Variants in RNF38 observed in about 807,000 individuals in gnomAD.
RNF38 encodes ring finger protein 38.
RNF38 carries 15 observed loss-of-function variants against 67.2 expected under a neutral mutation model. The observed-to-expected ratio is 0.22, with a 90% CI of 0.15 to 0.34. The LOEUF (loss-of-function observed/expected upper bound fraction) is 0.34, where lower values mean the gene tolerates loss of function less well. RNF38 is among the 10% of genes least tolerant of loss of function. The pLI is 1.00. For synonymous variants in RNF38, 220 were observed against 218.8 expected, an observed-to-expected ratio of 1.01 and a Z score of -0.05; for missense variants, 524 against 639.9, an observed-to-expected ratio of 0.82 and a Z score of 1.95.
intron 3 of RNF38, among the ~76,000 whole-genome samples, chr9:36,372,324 A>G (rs1835447766): frequency 6.6e-6 from 1 of 152,104 alleles, no homozygotes; most frequent in African/African-American, 2.4e-5. Context: ...TCCCTCTTAC[A>G]TCTCACATGT....
At chr9:36,487,596 G>C (rs1840451651), upstream of RNF38, 1 of 980,344 alleles carries the variant, frequency 1.0e-6, no homozygotes, top group South Asian at 4.5e-5. Context: ...GCTGCGACTC[G>C]ACTCCGGCGC....
intron 1 of RNF38, among the ~76,000 whole-genome samples, chr9:36,483,104 C>T (rs757715032): frequency 1.3e-5 from 2 of 152,094 alleles, no homozygotes; most frequent in Non-Finnish European, 2.9e-5. Context: ...AGAAGTGTAC[C>T]GGCCAGGCAC....
chr9:36,460,770 C>T (rs1839709046), intron 1 of RNF38, among the ~76,000 whole-genome samples: 2 of 151,398 alleles, frequency 1.3e-5, no homozygotes, highest in African/African-American at 4.9e-5. Flanking sequence ...GCCTGTAATC[C>T]CAGCTACTCA....
intron 1 of RNF38, among the ~76,000 whole-genome samples, chr9:36,426,148 A>G (rs984655834): frequency 2.0e-5 from 3 of 152,244 alleles, no homozygotes; most frequent in African/African-American, 7.2e-5. Flanking sequence ...CTCTTTCAGA[A>G]TCGGATTTGT....
intron 1 of RNF38, among the ~76,000 whole-genome samples, chr9:36,447,342 T>C (rs72731472): frequency 1.3e-5 from 2 of 152,276 alleles, no homozygotes; most frequent in Non-Finnish European, 2.9e-5. Context: ...AGCCATGACT[T>C]ACATGAATTG....
intron 6 of RNF38, among the ~76,000 whole-genome samples, chr9:36,355,198 C>T (rs1295482867): frequency 6.6e-6 from 1 of 152,180 alleles, no homozygotes; most frequent in African/African-American, 2.4e-5. Flanking sequence ...GTATAGAAAT[C>T]CTTAGTAAAC....
rs778842441 is a variant in RNF38 at position 36,352,721 on chromosome 9, TTAAGA to T, written c.1178+16_1178+20del. On this transcript the variant is annotated intron_variant, in intron 8 of 11. Transcript: ENST00000259605. ...CAAGAGTTTCAAAATTCAGAAATCA[TTAAGA>T]TAAGAAAGAACTTACAACACATATG... is the stretch of plus-strand genomic sequence containing the variant. 1.1e-5 allele frequency: 16 copies of T among 1,521,372 alleles called. No homozygotes were observed. The highest frequency in any genetic ancestry group is 1.5e-5 in the Non-Finnish European group (16 of 1,095,794). 94.2% of individuals were successfully genotyped at this position (1,521,372 alleles called of 1,614,324 possible). A position where few individuals can be genotyped will look rare whatever the true frequency, so the allele number is the denominator to read the frequency against.
At chr9:36,368,133 C>T (rs1310055907) in intron 4 of RNF38, among the ~76,000 whole-genome samples, 4 of 152,300 alleles carry the variant, frequency 2.6e-5, no homozygotes, top group South Asian at 2.1e-4. Flanking sequence ...GGATTACAGA[C>T]GTGGGCCACT....
intron 1 of RNF38, among the ~76,000 whole-genome samples, chr9:36,483,133 T>C (rs1840317961): frequency 6.6e-6 from 1 of 152,104 alleles, no homozygotes; most frequent in Non-Finnish European, 1.5e-5. Context: ...ACGCGTGTAA[T>C]CCCAACACTT....
At position 36,339,695 on chromosome 9, in the gene RNF38, G is replaced by T; in HGVS notation, c.*57C>A. The T allele has an allele frequency of 7.3e-7, 1 of 1,364,728 alleles. No homozygotes were observed. Among genetic ancestry groups the T allele is most frequent in the Non-Finnish European group, 1.0e-6 (1 of 962,828 alleles). The allele number at this position is 1,364,728 out of a possible 1,614,324, so 84.5% of individuals were successfully genotyped here. On this transcript the variant is annotated 3_prime_UTR_variant, in exon 12 of 12. Coordinates refer to ENST00000259605, the MANE Select transcript of RNF38 (RefSeq NM_022781.5). ...CCACACAGATTAAGTTCAATGGATA[G>T]TCCGTATATACATGTGATGAGGAAC... is the stretch of plus-strand genomic sequence containing the variant.
chr9:36,441,349 T>TG (rs1219695320), intron 1 of RNF38, among the ~76,000 whole-genome samples: 1 of 151,036 alleles, frequency 6.6e-6, no homozygotes, highest in African/African-American at 2.4e-5. Flanking sequence ...TTTTTTTTGA[T>TG]GGAGTCTCAC....
chr9:36,481,089 A>G (rs1051672730), intron 1 of RNF38, among the ~76,000 whole-genome samples: 6 of 146,556 alleles, frequency 4.1e-5, no homozygotes, highest in African/African-American at 1.5e-4. Context: ...ATCTCGGCTC[A>G]TTGCAACCTC....
chr9:36,400,943 C>T (rs1837986787), upstream of RNF38: 3 of 984,718 alleles, frequency 3.0e-6, no homozygotes, highest in South Asian at 1.4e-4. Flanking sequence ...CACCCCGCCT[C>T]GGCGATCACA....
At chr9:36,483,744 A>C (rs1564081001) in intron 1 of RNF38, among the ~76,000 whole-genome samples, 2 of 152,206 alleles carry the variant, frequency 1.3e-5, no homozygotes. Context: ...CTTAAGACAT[A>C]ATGACATGTT....
At chr9:36,384,256 G>A (rs1251855621) in intron 2 of RNF38, among the ~76,000 whole-genome samples, 1 of 152,090 alleles carries the variant, frequency 6.6e-6, no homozygotes, top group Non-Finnish European at 1.5e-5. Context: ...CATGAAACCA[G>A]TGAAAATAGG....
chr9:36,421,269 C>G (rs779001866), intron 2 of RNF38, among the ~76,000 whole-genome samples: 2 of 152,228 alleles, frequency 1.3e-5, no homozygotes, highest in Non-Finnish European at 2.9e-5. Context: ...ATATAACTTG[C>G]ATTCGATACA....
intron 9 of RNF38, among the ~76,000 whole-genome samples, chr9:36,349,627 T>A (rs1209856217): frequency 2.6e-5 from 4 of 152,182 alleles, no homozygotes; most frequent in Non-Finnish European, 4.4e-5. Context: ...TTTAGTTCAA[T>A]GTAGTCCTAG....
intron 8 of RNF38, 77 bp downstream of exon 8, chr9:36,352,663 GAC>G: frequency 4.7e-6 from 5 of 1,064,124 alleles, no homozygotes; most frequent in Non-Finnish European, 7.2e-6. Flanking sequence ...AAAAGCTATA[GAC>G]ACAAAGACAT....
At chr9:36,486,361 C>T (rs551121254) in intron 1 of RNF38, among the ~76,000 whole-genome samples, 3 of 152,256 alleles carry the variant, frequency 2.0e-5, no homozygotes, top group African/African-American at 7.2e-5. Flanking sequence ...CAGCTTCCTT[C>T]CCCCTTCAAG....
Sources: gnomAD v4.1 joint callset for allele counts (sites outside exome capture counted in the v4.1 genomes callset) on GRCh38, gnomAD v4.1.1 for gene constraint, MANE v1.5 for transcripts, NCBI Gene and HGNC (gene_info 2026-07-23, HGNC 2026-07-21) for gene names.